Variants in SYT1 observed in about 807,000 individuals in gnomAD.
SYT1 encodes the protein synaptotagmin-1.
SYT1 carries 8 observed loss-of-function variants against 44.8 expected under a neutral mutation model. The observed-to-expected ratio is 0.18, with a 90% CI of 0.10 to 0.32. SYT1 has a LOEUF of 0.32. SYT1 is among the 10% of genes least tolerant of loss of function. The pLI is 1.00. For synonymous variants in SYT1, 154 were observed against 188.8 expected, an observed-to-expected ratio of 0.82 and a Z score of 1.51; for missense variants, 286 against 509.3, an observed-to-expected ratio of 0.56 and a Z score of 4.22.
intron 9 of SYT1, chr12:79,419,319 T>C (rs930108452): frequency 5.9e-6 from 3 of 509,644 alleles, no homozygotes; most frequent in African/African-American, 5.8e-5. Flanking sequence ...TTTCCTTTTT[T>C]CTAAATCTTA....
intron 3 of SYT1, among the ~76,000 whole-genome samples, chr12:79,148,708 G>T (rs967275466): frequency 3.3e-5 from 5 of 152,136 alleles, no homozygotes. Context: ...TTTCCAAAGG[G>T]CTGAGGTGCT....
chr12:79,095,709 A>G (rs1177250893), intron 3 of SYT1, among the ~76,000 whole-genome samples: 2 of 151,718 alleles, frequency 1.3e-5, no homozygotes, highest in Admixed American at 1.3e-4. Context: ...CTTTTTTGTT[A>G]GTTGTCCCAG....
intron 1 of SYT1, among the ~76,000 whole-genome samples, chr12:78,950,452 G>A (rs1878902943): frequency 6.6e-6 from 1 of 151,994 alleles, no homozygotes; most frequent in Non-Finnish European, 1.5e-5. Context: ...GATATGAGGG[G>A]ACCAGTTTCT....
At chr12:78,884,314 G>A (rs868760095) in intron 1 of SYT1, among the ~76,000 whole-genome samples, 3 of 151,652 alleles carry the variant, frequency 2.0e-5, no homozygotes, top group Middle Eastern at 6.9e-3. Context: ...ATTAGGAATA[G>A]CTATATCTAC....
intron 2 of SYT1, among the ~76,000 whole-genome samples, chr12:79,001,700 G>A (rs758006426): frequency 6.6e-6 from 1 of 152,132 alleles, no homozygotes; most frequent in Non-Finnish European, 1.5e-5. Flanking sequence ...TGTCAGTGAT[G>A]CATGAGAGAA....
intron 1 of SYT1, among the ~76,000 whole-genome samples, chr12:78,975,695 T>C (rs1199666787): frequency 2.6e-5 from 4 of 152,206 alleles, no homozygotes; most frequent in Non-Finnish European, 5.9e-5. Flanking sequence ...TAATCTTTGC[T>C]ATTTGGCTTC....
At chr12:79,061,713 G>A (rs1875401788) in intron 3 of SYT1, among the ~76,000 whole-genome samples, 2 of 152,110 alleles carry the variant, frequency 1.3e-5, no homozygotes, top group Admixed American at 6.6e-5. Flanking sequence ...AAAGGAAAGG[G>A]CATTCCATCT....
chr12:79,009,571 C>T (rs1484190345), intron 2 of SYT1, among the ~76,000 whole-genome samples: 1 of 152,106 alleles, frequency 6.6e-6, no homozygotes, highest in East Asian at 1.9e-4. Flanking sequence ...AATGGAAATA[C>T]CCTATGAAGT....
intron 8 of SYT1, among the ~76,000 whole-genome samples, chr12:79,300,694 T>C (rs1185122102): frequency 6.6e-6 from 1 of 151,128 alleles, no homozygotes; most frequent in African/African-American, 2.4e-5. Context: ...AGTTAAACTC[T>C]GCTCTTTTTT....
At chr12:79,163,495 G>A (rs1263590192) in intron 3 of SYT1, among the ~76,000 whole-genome samples, 2 of 151,970 alleles carry the variant, frequency 1.3e-5, no homozygotes, top group African/African-American at 4.8e-5. Flanking sequence ...TATGTAAGTC[G>A]TCTCCTATAT....
rs537102673 is a variant in SYT1 at position 78,868,219 on chromosome 12, G to T, written c.-217+3110G>T. ...CTAATGGTAATAATTAAGTAATTTG[G>T]GGGGAACAAGAAATAAAAACAGTTT... On this transcript the variant is annotated intron_variant, in intron 1 of 10. Coordinates refer to ENST00000261205, the MANE Select transcript of SYT1 (RefSeq NM_005639.3). 3.3e-5 allele frequency among the ~76,000 whole-genome samples: 5 copies of T among 151,808 alleles called. No individual in the cohort carries two copies. In the South Asian group the frequency reaches 1.0e-3, roughly 32 times the overall value.
At chr12:79,093,015 T>TAAC (rs1877884216) in intron 3 of SYT1, among the ~76,000 whole-genome samples, 1 of 151,742 alleles carries the variant, frequency 6.6e-6, no homozygotes, top group Non-Finnish European at 1.5e-5. Context: ...TACATGTGAA[T>TAAC]AACATATCTA....
chr12:78,987,057 A>G (rs1351285006), intron 2 of SYT1, among the ~76,000 whole-genome samples: 1 of 152,050 alleles, frequency 6.6e-6, no homozygotes, highest in African/African-American at 2.4e-5. Flanking sequence ...GTCGTTCACT[A>G]TGGTCACCTT....
At chr12:79,179,901 A>G (rs936877661) in intron 3 of SYT1, among the ~76,000 whole-genome samples, 6 of 152,038 alleles carry the variant, frequency 3.9e-5, no homozygotes, top group African/African-American at 1.4e-4. Context: ...ATAGAGATAC[A>G]CTTTATTCTT....
At chr12:79,003,368 C>T (rs1467022788) in intron 2 of SYT1, among the ~76,000 whole-genome samples, 4 of 151,966 alleles carry the variant, frequency 2.6e-5, no homozygotes, top group Non-Finnish European at 5.9e-5. Context: ...AGTGTACCTG[C>T]CTTCCTACCT....
At chr12:79,209,646 C>T (rs751277214) in intron 3 of SYT1, among the ~76,000 whole-genome samples, 9 of 152,128 alleles carry the variant, frequency 5.9e-5, no homozygotes, top group Non-Finnish European at 1.2e-4. Context: ...GGAGTGACTC[C>T]CTGGCTGTGA....
intron 2 of SYT1, among the ~76,000 whole-genome samples, chr12:79,013,134 A>C (rs1446456587): frequency 6.6e-6 from 1 of 151,926 alleles, no homozygotes; most frequent in Non-Finnish European, 1.5e-5. Flanking sequence ...CACTATTTCT[A>C]TCTTGTAGAG....
rs570059722 is a variant in SYT1 at position 78,928,739 on chromosome 12, T to A, written c.-216-49060T>A. Among the ~76,000 whole-genome samples the A allele has an allele frequency of 2.0e-5, 3 of 152,262 alleles. No homozygotes were observed. The East Asian group carries it at 5.8e-4, about 29-fold the overall frequency. On this transcript the variant is annotated intron_variant, in intron 1 of 10. Transcript: ENST00000261205. The stretch of plus-strand genomic sequence containing the variant: ...AGAAATAATTCACATCCTGGGCCTG[T>A]AGGAGCAGGATGGCATGAGATTTCA...
intron 3 of SYT1, among the ~76,000 whole-genome samples, chr12:79,128,156 GC>G (rs1218231489): frequency 2.0e-5 from 3 of 152,120 alleles, no homozygotes; most frequent in African/African-American, 4.8e-5. Flanking sequence ...ACTTTGGGAG[GC>G]CAAGACGGGG....
Sources: gnomAD v4.1 joint callset for allele counts (sites outside exome capture counted in the v4.1 genomes callset) on GRCh38, gnomAD v4.1.1 for gene constraint, MANE v1.5 for transcripts, NCBI Gene and HGNC (gene_info 2026-07-23, HGNC 2026-07-21) for gene names.